Variants in SAMTOR observed in about 807,000 individuals in gnomAD.
SAMTOR encodes the protein S-adenosylmethionine sensor upstream of mTORC1.
the SAMTOR span, among the ~76,000 whole-genome samples, chr7:112,848,374 AC>A: frequency 6.6e-6 from 1 of 152,190 alleles, no homozygotes. Context: ...ATTATTGAAT[AC>A]CTATTCTATC....
the SAMTOR span, among the ~76,000 whole-genome samples, chr7:112,880,292 G>T: frequency 6.6e-6 from 1 of 152,084 alleles, no homozygotes; most frequent in Non-Finnish European, 1.5e-5. Flanking sequence ...AAAATGTAGA[G>T]CTTTAGGGTT....
the SAMTOR span, among the ~76,000 whole-genome samples, chr7:112,915,897 T>C: frequency 6.6e-6 from 1 of 152,220 alleles, no homozygotes; most frequent in East Asian, 1.9e-4. Context: ...ACACTAAACC[T>C]GCTTCTTGAC....
the SAMTOR span, among the ~76,000 whole-genome samples, chr7:112,892,788 T>C: frequency 6.6e-6 from 1 of 151,146 alleles, no homozygotes; most frequent in Non-Finnish European, 1.5e-5. Flanking sequence ...AAAAAAATAA[T>C]AATAATATGA....
At chr7:112,871,635 C>T in the SAMTOR span, among the ~76,000 whole-genome samples, 2 of 151,898 alleles carry the variant, frequency 1.3e-5, no homozygotes, top group Non-Finnish European at 2.9e-5. Flanking sequence ...GATTGCAATG[C>T]TAGCAGAAGA....
chr7:112,935,586 CT>C, the SAMTOR span, among the ~76,000 whole-genome samples: 148,846 of 152,064 alleles, frequency 0.98, 72,908 homozygotes, highest in East Asian at 1. Context: ...CATACTTTTA[CT>C]TTTTTTTGTG....
the SAMTOR span, chr7:112,821,596 A>G: frequency 1.5e-6 from 1 of 687,652 alleles, no homozygotes. Flanking sequence ...TTTAAAATTG[A>G]GAAGTAGAAA....
the SAMTOR span, among the ~76,000 whole-genome samples, chr7:112,870,268 A>G: frequency 3.9e-5 from 6 of 152,206 alleles, no homozygotes; most frequent in Admixed American, 3.3e-4. Flanking sequence ...CCAAGGTCAA[A>G]GCAAAAGAAA....
the SAMTOR span, among the ~76,000 whole-genome samples, chr7:112,830,681 G>A: frequency 1.3e-5 from 2 of 152,110 alleles, no homozygotes; most frequent in Non-Finnish European, 2.9e-5. Flanking sequence ...TAGAGAAAAC[G>A]AAAGTAGAAA....
the SAMTOR span, among the ~76,000 whole-genome samples, chr7:112,922,128 G>C: frequency 6.6e-6 from 1 of 152,158 alleles, no homozygotes. Flanking sequence ...ACTGGTTTTC[G>C]TATTTTTTTG....
the SAMTOR span, among the ~76,000 whole-genome samples, chr7:112,845,514 A>G: frequency 6.6e-6 from 1 of 152,220 alleles, no homozygotes; most frequent in East Asian, 1.9e-4. Context: ...TCATTAGAGA[A>G]GTGCAAATAA....
chr7:112,895,167 A>G, the SAMTOR span, among the ~76,000 whole-genome samples: 24 of 151,746 alleles, frequency 1.6e-4, no homozygotes, highest in Non-Finnish European at 2.6e-4. Flanking sequence ...TGATAATTAC[A>G]TAAGAATTAC....
chr7:112,939,613 C>A, the SAMTOR span: 1 of 1,613,984 alleles, frequency 6.2e-7, no homozygotes, highest in Non-Finnish European at 8.5e-7. Context: ...TCTTGCGGAG[C>A]CGCCGGTGGA....
chr7:112,902,429 C>CAAAAAAAAAAAAAAAAAAAAAAA, the SAMTOR span, among the ~76,000 whole-genome samples: 1 of 58,578 alleles, frequency 1.7e-5, no homozygotes, highest in Non-Finnish European at 2.8e-5. Context: ...AAAAAAAAAA[C>CAAAAAAAAAAAAAAAAAAAAAAA]AAAAAAAAAC....
At chr7:112,847,966 C>A in the SAMTOR span, among the ~76,000 whole-genome samples, 1 of 152,194 alleles carries the variant, frequency 6.6e-6, no homozygotes, top group Admixed American at 6.5e-5. Context: ...TAGCTAGTCA[C>A]TGTCTCTTCA....
At chr7:112,917,738 C>A in the SAMTOR span, among the ~76,000 whole-genome samples, 1 of 152,014 alleles carries the variant, frequency 6.6e-6, no homozygotes, top group Non-Finnish European at 1.5e-5. Flanking sequence ...ATAACCAATA[C>A]AGAGAAGTGC....
At chr7:112,912,994 CAAT>C in the SAMTOR span, among the ~76,000 whole-genome samples, 43 of 152,276 alleles carry the variant, frequency 2.8e-4, no homozygotes, top group African/African-American at 9.9e-4. Flanking sequence ...TAAAATCCAA[CAAT>C]GATGGTCTTA....
chr7:112,902,535 A>T, the SAMTOR span, among the ~76,000 whole-genome samples: 4 of 151,344 alleles, frequency 2.6e-5, no homozygotes, highest in Non-Finnish European at 5.9e-5. Context: ...ACTATTCTGT[A>T]TAATACTATA....
the SAMTOR span, chr7:112,820,996 T>C: frequency 6.6e-6 from 1 of 152,416 alleles, no homozygotes; most frequent in Admixed American, 6.6e-5. Flanking sequence ...AAAGTAAAAG[T>C]GAACTCTCAG....
At chr7:112,903,061 C>T in the SAMTOR span, among the ~76,000 whole-genome samples, 1 of 152,162 alleles carries the variant, frequency 6.6e-6, no homozygotes, top group East Asian at 1.9e-4. Flanking sequence ...TGCCTGTAAT[C>T]CCAGCACTTT....
Sources: allele counts gnomAD v4.1 joint callset (sites outside exome capture counted in the v4.1 genomes callset), GRCh38; gene constraint gnomAD v4.1.1; transcripts MANE v1.5; gene names NCBI Gene and HGNC (gene_info 2026-07-23, HGNC 2026-07-21).